Variants in COL25A1 observed in about 807,000 individuals in gnomAD.
COL25A1 encodes the protein collagen type XXV alpha 1 chain.
In COL25A1, 103 loss-of-function variants were observed where a neutral mutation model predicts 128.4. That is an observed-to-expected ratio of 0.80 (90% CI 0.68 to 0.94). COL25A1 has a LOEUF of 0.94. Ranked by LOEUF, COL25A1 falls within the 40% of genes least tolerant of loss-of-function variation. The pLI, the probability that COL25A1 is intolerant of heterozygous loss-of-function variation, is 0.00. For missense variants in COL25A1, 745 were observed against 840.0 expected (o/e 0.89, Z 1.40); for synonymous variants, 279 against 277.2 (o/e 1.01, Z -0.06).
At chr4:109,272,523 T>C (rs534225260) in intron 3 of COL25A1, among the ~76,000 whole-genome samples, 171 of 152,294 alleles carry the variant, frequency 1.1e-3, no homozygotes, top group Non-Finnish European at 2.0e-3. Context: ...ATCTCCTTTG[T>C]AATATGTGTT....
At chr4:109,040,460 C>T (rs969106152) in intron 5 of COL25A1, among the ~76,000 whole-genome samples, 2 of 152,204 alleles carry the variant, frequency 1.3e-5, no homozygotes, top group East Asian at 3.8e-4. Flanking sequence ...ATTCAAATCG[C>T]TCATTTGACC....
At chr4:108,908,617 T>C (rs1743815656) in intron 13 of COL25A1, among the ~76,000 whole-genome samples, 1 of 152,190 alleles carries the variant, frequency 6.6e-6, no homozygotes, top group Admixed American at 6.5e-5. Context: ...TAGAACCGCA[T>C]AACCACCCAA....
intron 3 of COL25A1, among the ~76,000 whole-genome samples, chr4:109,130,026 AG>A: frequency 6.6e-6 from 1 of 151,994 alleles, no homozygotes; most frequent in South Asian, 2.1e-4. Context: ...AAAGAATAAA[AG>A]AATTGTGGAT....
chr4:109,233,777 G>A (rs1779301777), intron 3 of COL25A1, among the ~76,000 whole-genome samples: 1 of 152,156 alleles, frequency 6.6e-6, no homozygotes, highest in South Asian at 2.1e-4. Flanking sequence ...GTGTTCTGCA[G>A]TGGGTAATTA....
intron 3 of COL25A1, among the ~76,000 whole-genome samples, chr4:109,192,772 T>G (rs575807326): frequency 1.1e-4 from 17 of 151,912 alleles, no homozygotes; most frequent in African/African-American, 4.1e-4. Flanking sequence ...GAGAATGGCA[T>G]GAACCTGGGA....
chr4:109,217,639 G>A (rs141201095), intron 3 of COL25A1, among the ~76,000 whole-genome samples: 5 of 151,988 alleles, frequency 3.3e-5, no homozygotes, highest in African/African-American at 4.8e-5. Context: ...AAGTGTGAGG[G>A]ATTGGTTCCA....
At position 109,245,917 on chromosome 4, in the gene COL25A1, C is replaced by T. The variant is rs1461299475; in HGVS notation, c.367+54666G>A. Among the ~76,000 whole-genome samples the T allele has an allele frequency of 3.3e-5, 5 of 151,392 alleles. No homozygotes were observed. The South Asian group carries it at 8.3e-4, about 25-fold the overall frequency. On this transcript the variant is annotated intron_variant, in intron 3 of 37. Coordinates refer to ENST00000399132, the MANE Select transcript of COL25A1 (RefSeq NM_198721.4). ...CAGGGTTAGGCCGGCTGATGGAAGACCAGGGGCCCTTGCCCATGGGTAGGA... is the reference window on the plus strand; with the variant it reads ...CAGGGTTAGGCCGGCTGATGGAAGATCAGGGGCCCTTGCCCATGGGTAGGA...
chr4:109,190,158 C>A (rs1321333638), intron 3 of COL25A1, among the ~76,000 whole-genome samples: 1 of 151,746 alleles, frequency 6.6e-6, no homozygotes, highest in Non-Finnish European at 1.5e-5. Context: ...TGTTTGTAGA[C>A]CAAAGAATGC....
chr4:109,044,965 TA>T (rs1760291717), intron 5 of COL25A1, among the ~76,000 whole-genome samples: 1 of 152,186 alleles, frequency 6.6e-6, no homozygotes, highest in African/African-American at 2.4e-5. Context: ...GGTCCACTTA[TA>T]TGCCAGTTTT....
At position 109,242,562 on chromosome 4, in the gene COL25A1, T is replaced by C. The variant is rs533692265; in HGVS notation, c.367+58021A>G. Among the ~76,000 whole-genome samples, 20 of 152,218 alleles carry C rather than the reference T, an allele frequency of 1.3e-4. No individual in the cohort carries two copies. The East Asian group carries it at 3.5e-3, about 26-fold the overall frequency. ...TAATCCCAGGAGACCATAAGTCACA[T>C]ACTATTCCGGATGATTCTTCCCTGT... On this transcript the variant is annotated intron_variant, in intron 3 of 37. Coordinates refer to ENST00000399132, the MANE Select transcript of COL25A1 (RefSeq NM_198721.4).
chr4:109,227,548 T>C (rs1337741461), intron 3 of COL25A1, among the ~76,000 whole-genome samples: 1 of 151,716 alleles, frequency 6.6e-6, no homozygotes, highest in African/African-American at 2.4e-5. Context: ...GAAAGTCTGG[T>C]TATTGCTCAG....
intron 31 of COL25A1, chr4:108,834,270 G>C: frequency 7.5e-7 from 1 of 1,339,858 alleles, no homozygotes; most frequent in South Asian, 1.3e-5. Context: ...CATTTGATGA[G>C]AGGACATGGA....
At chr4:109,291,194 C>A (rs1560989315) in intron 3 of COL25A1, among the ~76,000 whole-genome samples, 2 of 152,128 alleles carry the variant, frequency 1.3e-5, no homozygotes, top group Non-Finnish European at 2.9e-5. Flanking sequence ...TGACAGTGGG[C>A]ATTCATTTCA....
chr4:109,216,274 GA>G (rs869104619), intron 3 of COL25A1, among the ~76,000 whole-genome samples: 1 of 47,370 alleles, frequency 2.1e-5, no homozygotes, highest in East Asian at 5.4e-4. Context: ...GGAAAAAAAG[GA>G]AGGAAGGAAG....
intron 5 of COL25A1, among the ~76,000 whole-genome samples, chr4:109,032,894 A>G (rs2125917258): frequency 6.6e-6 from 1 of 152,334 alleles, no homozygotes. Flanking sequence ...TGCCCCATGC[A>G]TGAATGGGTC....
intron 8 of COL25A1, among the ~76,000 whole-genome samples, chr4:108,948,266 C>T (rs1449042128): frequency 6.6e-6 from 1 of 152,086 alleles, no homozygotes; most frequent in African/African-American, 2.4e-5. Flanking sequence ...ATTTATCTGT[C>T]TGAATAGAAA....
At chr4:109,109,099 C>CTTTT (rs1766738540) in intron 3 of COL25A1, among the ~76,000 whole-genome samples, 1 of 151,774 alleles carries the variant, frequency 6.6e-6, no homozygotes, top group African/African-American at 2.4e-5. Flanking sequence ...TTTTTCCCTT[C>CTTTT]TTTCTTTCTT....
chr4:108,917,560 G>GT (rs1553967868), intron 13 of COL25A1, among the ~76,000 whole-genome samples: 1 of 152,218 alleles, frequency 6.6e-6, no homozygotes, highest in Non-Finnish European at 1.5e-5. Context: ...TGTTCAACTA[G>GT]TAAGTATGTT....
At chr4:109,252,771 T>C (rs1780750789) in intron 3 of COL25A1, among the ~76,000 whole-genome samples, 1 of 152,176 alleles carries the variant, frequency 6.6e-6, no homozygotes, top group African/African-American at 2.4e-5. Context: ...GCTTGAACTC[T>C]GCCCACTAGG....
Sources: allele counts gnomAD v4.1 joint callset (sites outside exome capture counted in the v4.1 genomes callset), GRCh38; gene constraint gnomAD v4.1.1; transcripts MANE v1.5; gene names NCBI Gene and HGNC (gene_info 2026-07-23, HGNC 2026-07-21).